Variants in RBFOX1 observed in about 807,000 individuals in gnomAD.
The protein encoded by RBFOX1 is RNA binding fox-1 homolog 1, also known as RNA binding protein fox-1 homolog 1.
A neutral mutation model predicts 57.7 loss-of-function variants in RBFOX1; 8 were observed. The observed-to-expected ratio is 0.14, with a 90% CI of 0.08 to 0.25. The LOEUF is 0.25. RBFOX1 is among the 10% of genes least tolerant of loss of function. The pLI, the probability that RBFOX1 is intolerant of heterozygous loss-of-function variation, is 1.00. For missense variants in RBFOX1, 611 were observed against 548.5 expected (o/e 1.11, Z -1.14); for synonymous variants, 326 against 222.4 (o/e 1.47, Z -4.15).
At chr16:6,658,794 T>G (rs1384571361) in intron 3 of RBFOX1, among the ~76,000 whole-genome samples, 1 of 152,146 alleles carries the variant, frequency 6.6e-6, no homozygotes, top group Admixed American at 6.6e-5. Flanking sequence ...CCTATGAATG[T>G]ACCTGCTTGG....
chr16:5,298,438 TC>T (rs2063721210), intron 1 of RBFOX1, among the ~76,000 whole-genome samples: 1 of 51,800 alleles, frequency 1.9e-5, no homozygotes, highest in African/African-American at 8.7e-5. Flanking sequence ...TCCCCTTCCC[TC>T]CCCTCCCCTC....
chr16:7,393,049 T>C (rs1270272702), intron 4 of RBFOX1, among the ~76,000 whole-genome samples: 1 of 152,104 alleles, frequency 6.6e-6, no homozygotes, highest in East Asian at 1.9e-4. Context: ...AATTTTTGCA[T>C]TTCTAGTAGA....
chr16:6,436,611 C>T (rs576138719), intron 2 of RBFOX1, among the ~76,000 whole-genome samples: 2 of 150,786 alleles, frequency 1.3e-5, no homozygotes, highest in Admixed American at 6.7e-5. Flanking sequence ...CACCCCAAGC[C>T]CAGTTTCTTC....
chr16:6,943,268 A>G (rs573993141), intron 3 of RBFOX1, among the ~76,000 whole-genome samples: 1 of 152,344 alleles, frequency 6.6e-6, no homozygotes, highest in South Asian at 2.1e-4. Flanking sequence ...TCAAGGTGCA[A>G]AAAGAATAGC....
At chr16:5,516,811 C>T (rs937676036) in intron 2 of RBFOX1, among the ~76,000 whole-genome samples, 1 of 152,128 alleles carries the variant, frequency 6.6e-6, no homozygotes, top group Non-Finnish European at 1.5e-5. Flanking sequence ...GGCACTCATT[C>T]TTCTCTCTCC....
At chr16:6,202,674 C>T (rs376446524) in intron 1 of RBFOX1, among the ~76,000 whole-genome samples, 6 of 152,138 alleles carry the variant, frequency 3.9e-5, no homozygotes, top group African/African-American at 7.2e-5. Flanking sequence ...TCGGAGGTAA[C>T]TATACATCCA....
intron 4 of RBFOX1, among the ~76,000 whole-genome samples, chr16:7,213,455 T>C (rs774897923): frequency 1.3e-5 from 2 of 152,146 alleles, no homozygotes; most frequent in Non-Finnish European, 2.9e-5. Context: ...ATGTGGTCCA[T>C]GAATCAGACT....
chr16:6,095,374 A>T (rs1039519210), intron 1 of RBFOX1, among the ~76,000 whole-genome samples: 7 of 152,198 alleles, frequency 4.6e-5, no homozygotes, highest in African/African-American at 1.4e-4. Flanking sequence ...TGAAACTCCA[A>T]CACCTCACTC....
intron 1 of RBFOX1, among the ~76,000 whole-genome samples, chr16:5,259,143 A>T (rs539548660): frequency 6.6e-6 from 1 of 151,764 alleles, no homozygotes; most frequent in Non-Finnish European, 1.5e-5. Flanking sequence ...GAGTGTCCTC[A>T]TGATGCCTGG....
At chr16:7,086,021 A>C (rs552991971) in intron 4 of RBFOX1, among the ~76,000 whole-genome samples, 8 of 151,958 alleles carry the variant, frequency 5.3e-5, no homozygotes, top group Admixed American at 4.6e-4. Flanking sequence ...TTATTTTCTT[A>C]CCTCTCTGAG....
intron 14 of RBFOX1, among the ~76,000 whole-genome samples, chr16:7,703,077 G>A (rs2081293913): frequency 6.6e-6 from 1 of 151,704 alleles, no homozygotes; most frequent in South Asian, 2.1e-4. Context: ...GCTAGACCAT[G>A]GCTCTCTAAA....
upstream of RBFOX1, among the ~76,000 whole-genome samples, chr16:6,017,848 G>A (rs1400818613): frequency 6.6e-6 from 1 of 152,136 alleles, no homozygotes; most frequent in Non-Finnish European, 1.5e-5. Context: ...ACATCACATG[G>A]CCCCCTGTTT....
intron 5 of RBFOX1, among the ~76,000 whole-genome samples, chr16:7,569,355 C>T (rs1037026981): frequency 6.6e-5 from 10 of 152,128 alleles, no homozygotes; most frequent in African/African-American, 2.4e-4. Flanking sequence ...CATGCCTTTC[C>T]TGGCCCCTGA....
At chr16:5,769,535 C>G (rs1176587487) in intron 3 of RBFOX1, among the ~76,000 whole-genome samples, 1 of 151,506 alleles carries the variant, frequency 6.6e-6, no homozygotes, top group African/African-American at 2.4e-5. Context: ...CACCTGTAAT[C>G]CCATCTACTT....
At chr16:7,199,739 C>G (rs1053818980) in intron 4 of RBFOX1, among the ~76,000 whole-genome samples, 6 of 152,018 alleles carry the variant, frequency 3.9e-5, no homozygotes, top group Admixed American at 6.5e-5. Flanking sequence ...TACTAAAATA[C>G]AAAGATTAGC....
chr16:7,177,984 C>G (rs1305365103), intron 4 of RBFOX1, among the ~76,000 whole-genome samples: 1 of 152,128 alleles, frequency 6.6e-6, no homozygotes, highest in Non-Finnish European at 1.5e-5. Context: ...CGCTCTGGTT[C>G]CTTTCTTCTG....
chr16:5,629,623 C>T (rs530640511), intron 3 of RBFOX1, among the ~76,000 whole-genome samples: 12 of 152,292 alleles, frequency 7.9e-5, no homozygotes, highest in Middle Eastern at 3.4e-3. Context: ...AGATCTTGTC[C>T]GTGGTGCCTG....
At chr16:7,237,040 A>T (rs76133486) in intron 4 of RBFOX1, among the ~76,000 whole-genome samples, 14 of 152,212 alleles carry the variant, frequency 9.2e-5, no homozygotes, top group African/African-American at 3.1e-4. Context: ...ATCACCCATC[A>T]GCAAGAGAGG....
At chr16:7,188,704 G>C (rs188897812) in intron 4 of RBFOX1, among the ~76,000 whole-genome samples, 84 of 152,304 alleles carry the variant, frequency 5.5e-4, no homozygotes, top group Non-Finnish European at 1.0e-3. Context: ...TTCTGCTGCA[G>C]TCTTCATTTC....
Sources: gnomAD v4.1 joint callset for allele counts (sites outside exome capture counted in the v4.1 genomes callset) on GRCh38, gnomAD v4.1.1 for gene constraint, MANE v1.5 for transcripts, NCBI Gene and HGNC (gene_info 2026-07-23, HGNC 2026-07-21) for gene names.